Variants in GPC5 observed in about 807,000 individuals in gnomAD.
GPC5 encodes the protein glypican-5.
GPC5 carries 47 observed loss-of-function variants against 53.9 expected under a neutral mutation model. That is an observed-to-expected ratio of 0.87 (90% CI 0.69 to 1.11). The LOEUF is 1.11. GPC5 is among the 50% of genes most tolerant of loss of function. The pLI is 0.00. For synonymous variants in GPC5, 286 were observed against 263.3 expected, an observed-to-expected ratio of 1.09 and a Z score of -0.84; for missense variants, 748 against 713.1, an observed-to-expected ratio of 1.05 and a Z score of -0.56.
chr13:91,787,549 C>T (rs2037898695), intron 5 of GPC5, among the ~76,000 whole-genome samples: 1 of 152,072 alleles, frequency 6.6e-6, no homozygotes, highest in African/African-American at 2.4e-5. Context: ...ATAATATACT[C>T]AGTGCTGAAG....
chr13:91,947,020 AGCAGCATTCCATCTGTTCAC>A (rs2039980772), intron 6 of GPC5, among the ~76,000 whole-genome samples: 2 of 152,316 alleles, frequency 1.3e-5, no homozygotes, highest in African/African-American at 4.8e-5. Context: ...GTTTAACTCC[AGCAGCATTCCATCTGTTCAC>A]GCAGGGCTTT....
chr13:92,718,569 G>C (rs1395524942), intron 7 of GPC5, among the ~76,000 whole-genome samples: 1 of 152,086 alleles, frequency 6.6e-6, no homozygotes, highest in African/African-American at 2.4e-5. Context: ...GTGGGGCAAA[G>C]GGGTGGAGTC....
At chr13:92,134,201 T>A (rs542342853) in intron 6 of GPC5, among the ~76,000 whole-genome samples, 2 of 152,246 alleles carry the variant, frequency 1.3e-5, no homozygotes, top group South Asian at 4.1e-4. Flanking sequence ...TTCAGTTTTG[T>A]TCTGTCTTTG....
chr13:91,887,006 G>C (rs1219286643), intron 5 of GPC5, among the ~76,000 whole-genome samples: 1 of 152,106 alleles, frequency 6.6e-6, no homozygotes, highest in African/African-American at 2.4e-5. Flanking sequence ...TTCTGTGTGG[G>C]GGACAGAGCC....
chr13:92,802,223 A>C (rs1876932135), intron 7 of GPC5, among the ~76,000 whole-genome samples: 1 of 151,874 alleles, frequency 6.6e-6, no homozygotes, highest in Admixed American at 6.6e-5. Context: ...AGTATTCAAT[A>C]TAGTCACATG....
chr13:92,140,626 T>A (rs2041823536), intron 6 of GPC5, among the ~76,000 whole-genome samples: 1 of 152,204 alleles, frequency 6.6e-6, no homozygotes, highest in African/African-American at 2.4e-5. Context: ...ACACATGTCA[T>A]GTTGGGAACC....
intron 7 of GPC5, among the ~76,000 whole-genome samples, chr13:92,647,487 A>T (rs1247962486): frequency 6.6e-6 from 1 of 152,116 alleles, no homozygotes; most frequent in Non-Finnish European, 1.5e-5. Context: ...CCCTCAGTTG[A>T]CAGGAACTAG....
intron 7 of GPC5, among the ~76,000 whole-genome samples, chr13:92,362,185 T>G (rs1458188875): frequency 8.5e-6 from 1 of 117,110 alleles, no homozygotes; most frequent in East Asian, 2.2e-4. Flanking sequence ...AGTTGTTGTT[T>G]CAGATATGTT....
intron 7 of GPC5, among the ~76,000 whole-genome samples, chr13:92,734,478 T>C (rs1279677027): frequency 6.6e-6 from 1 of 151,912 alleles, no homozygotes; most frequent in Non-Finnish European, 1.5e-5. Context: ...TTTAAAATGT[T>C]AATTTATTGA....
intron 7 of GPC5, among the ~76,000 whole-genome samples, chr13:92,259,230 T>C (rs2042748109): frequency 6.6e-6 from 1 of 152,210 alleles, no homozygotes; most frequent in Admixed American, 6.5e-5. Context: ...CTTCTGGTTT[T>C]TAAGTTGTTT....
chr13:92,648,600 C>T (rs1714043200), intron 7 of GPC5, among the ~76,000 whole-genome samples: 1 of 152,058 alleles, frequency 6.6e-6, no homozygotes, highest in African/African-American at 2.4e-5. Flanking sequence ...TAATTAAACT[C>T]ATTTTACTTA....
intron 7 of GPC5, among the ~76,000 whole-genome samples, chr13:92,828,112 G>T (rs1877914871): frequency 6.6e-6 from 1 of 152,028 alleles, no homozygotes. Context: ...ACCAAAAGAA[G>T]TGCAGCACCA....
intron 6 of GPC5, among the ~76,000 whole-genome samples, chr13:92,104,169 G>T (rs1352034278): frequency 6.6e-6 from 1 of 152,082 alleles, no homozygotes; most frequent in East Asian, 1.9e-4. Flanking sequence ...CTTTTGGGAG[G>T]CTCCAAACCC....
At chr13:91,479,211 C>T (rs1353697058) in intron 2 of GPC5, among the ~76,000 whole-genome samples, 1 of 151,830 alleles carries the variant, frequency 6.6e-6, no homozygotes, top group Non-Finnish European at 1.5e-5. Context: ...CCACACTCAG[C>T]CTTTAATTAA....
chr13:92,614,735 C>T (rs1430766488), intron 7 of GPC5, among the ~76,000 whole-genome samples: 3 of 152,172 alleles, frequency 2.0e-5, no homozygotes, highest in Non-Finnish European at 2.9e-5. Context: ...CTCTAGTCAA[C>T]CATTTTCTCA....
intron 5 of GPC5, among the ~76,000 whole-genome samples, chr13:91,759,896 A>T (rs1175960756): frequency 6.6e-6 from 1 of 152,126 alleles, no homozygotes; most frequent in Non-Finnish European, 1.5e-5. Flanking sequence ...TTACCAGCAG[A>T]TTTCAAAAAA....
intron 5 of GPC5, among the ~76,000 whole-genome samples, chr13:91,880,046 T>G (rs575174798): frequency 1.3e-5 from 2 of 152,232 alleles, no homozygotes; most frequent in African/African-American, 4.8e-5. Context: ...ATTTCATAGT[T>G]TTGGGTCCAT....
intron 7 of GPC5, among the ~76,000 whole-genome samples, chr13:92,424,706 T>C (rs1876746455): frequency 6.6e-6 from 1 of 152,078 alleles, no homozygotes; most frequent in Non-Finnish European, 1.5e-5. Flanking sequence ...TTGATTACTT[T>C]TATTTAGAAA....
At chr13:92,322,422 T>C (rs919389218) in intron 7 of GPC5, among the ~76,000 whole-genome samples, 8 of 152,188 alleles carry the variant, frequency 5.3e-5, no homozygotes, top group East Asian at 3.8e-4. Flanking sequence ...TTGAGAAATC[T>C]TAAACATTTA....
Sources: allele counts gnomAD v4.1 joint callset (sites outside exome capture counted in the v4.1 genomes callset), GRCh38; gene constraint gnomAD v4.1.1; transcripts MANE v1.5; gene names NCBI Gene and HGNC (gene_info 2026-07-23, HGNC 2026-07-21).